The following BRCA2 variants were observed in gnomAD, a reference collection of about 807,000 sequenced individuals.
BRCA2 encodes the protein breast cancer type 2 susceptibility protein.
In BRCA2, 203 loss-of-function variants were observed where a neutral mutation model predicts 276.7. That is an observed-to-expected ratio of 0.73 (90% CI 0.65 to 0.82). The LOEUF (loss-of-function observed/expected upper bound fraction) is 0.82, where lower values mean the gene tolerates loss of function less well. BRCA2 is among the 40% of genes least tolerant of loss of function. BRCA2 has a pLI of 0.00. For synonymous variants in BRCA2, 1,289 were observed against 1,338.4 expected, an observed-to-expected ratio of 0.96 and a Z score of 0.81; for missense variants, 3,920 against 3,915.0, an observed-to-expected ratio of 1.00 and a Z score of -0.03.
At chr13:32,335,344 C>CAAAA (rs780395396) in intron 10 of BRCA2, among the ~76,000 whole-genome samples, 3 of 47,758 alleles carry the variant, frequency 6.3e-5, no homozygotes, top group African/African-American at 2.2e-4. Flanking sequence ...GACTCCATCT[C>CAAAA]AAAAAAAAAA....
chr13:32,361,589 G>A (rs889744575), intron 16 of BRCA2, among the ~76,000 whole-genome samples: 1 of 152,158 alleles, frequency 6.6e-6, no homozygotes, highest in Non-Finnish European at 1.5e-5. Context: ...AAAAATTGAT[G>A]ATGCAGGAGA....
Position 32,336,988 on chromosome 13 carries a change from A to G in BRCA2, c.2633A>G (p.Asp878Gly), listed in dbSNP as rs765618026. The G allele has an allele frequency of 6.3e-7, 1 of 1,585,630 alleles. No homozygotes were observed. Among genetic ancestry groups the G allele is most frequent in the Non-Finnish European group, 8.5e-7 (1 of 1,171,278 alleles). ...TSISKITVNP[D>G]SEELFSDNEN... ...ATTTCAAAAATAACTGTCAATCCAG[A>G]CTCTGAAGAACTTTTCTCAGACAAT... The change falls in exon 11 of 27, where the codon GAC becomes GGC. Residue 878 changes from aspartate (D) to glycine (G), a missense_variant. By Grantham distance (94) the Asp-to-Gly change is moderately conservative. Coordinates refer to ENST00000380152, the MANE Select transcript of BRCA2 (RefSeq NM_000059.4).
rs766080516 is a variant in BRCA2, at chr13:32,356,501, C to G, written c.7509C>G (p.Val2503=). The change falls in exon 15 of 27, where the codon GTC becomes GTG. Residue 2503 remains valine, a synonymous_variant. Transcript: ENST00000380152. ...MRIKKKQRQR[V]FPQPGSLYLA... ...TTAAGAAGAAACAAAGGCAACGCGT[C>G]TTTCCACAGCCAGGCAGTCTGTATC... 3.1e-6 allele frequency: 5 copies of G among 1,614,118 alleles called. No homozygotes were observed. Among genetic ancestry groups the G allele is most frequent in the Non-Finnish European group, 2.5e-6 (3 of 1,180,032 alleles).
In BRCA2 at chr13:32,331,011, AAGAG is replaced by A; in HGVS notation, c.776_779del (p.Arg259LysfsTer17). 1 of 1,611,626 alleles carries A rather than the reference AAGAG, an allele frequency of 6.2e-7. No individual in the cohort carries two copies. The highest frequency in any genetic ancestry group is 8.5e-7 in the Non-Finnish European group (1 of 1,177,816). ...TGACAGACAGTGAAAACACAAATCA[AAGAG>A]AAGCTGCAAGTCATGGTAAGTCCTC... On this transcript the variant is annotated frameshift_variant, in exon 9 of 27. Transcript: ENST00000380152. LOFTEE classifies it high-confidence loss of function.
chr13:32,360,901 T>G (rs2072733846), intron 16 of BRCA2, among the ~76,000 whole-genome samples: 1 of 152,200 alleles, frequency 6.6e-6, no homozygotes, highest in South Asian at 2.1e-4. Flanking sequence ...TAAGAATGGC[T>G]GTGAAGATTT....
At chr13:32,359,849 T>C (rs1427741696) in intron 16 of BRCA2, among the ~76,000 whole-genome samples, 1 of 152,222 alleles carries the variant, frequency 6.6e-6, no homozygotes, top group African/African-American at 2.4e-5. Flanking sequence ...CAAATCTCTA[T>C]TGAGCACTTG....
At chr13:32,334,385 A>T (rs1354625005) in intron 10 of BRCA2, among the ~76,000 whole-genome samples, 1 of 151,970 alleles carries the variant, frequency 6.6e-6, no homozygotes, top group African/African-American at 2.4e-5. Flanking sequence ...AAAGCATGTT[A>T]AAAAAATAGG....
chr13:32,338,400 A>G lies in BRCA2; in HGVS notation c.4045A>G (p.Ile1349Val), dbSNP rs780544697. 1.9e-6 allele frequency: 3 copies of G among 1,601,104 alleles called. No individual in the cohort carries two copies. The highest frequency in any genetic ancestry group is 1.7e-4 in the Middle Eastern group (1 of 5,986). ...SDSSKNDTVCIHKDETDLLFT... is the reference protein window; with the variant it reads ...SDSSKNDTVCVHKDETDLLFT... Reference sequence around the variant, plus strand: ...TTCAAGTAAAAATGATACTGTTTGTATTCATAAAGATGAAACGGACTTGCT... The same window carrying G: ...TTCAAGTAAAAATGATACTGTTTGTGTTCATAAAGATGAAACGGACTTGCT... The change falls in exon 11 of 27, where the codon ATT (isoleucine) becomes GTT (valine). Residue 1349 changes from isoleucine (I) to valine (V), a missense_variant. Ile to Val is a conservative substitution (Grantham distance 29, BLOSUM62 3). Coordinates refer to ENST00000380152, the MANE Select transcript of BRCA2 (RefSeq NM_000059.4).
intron 16 of BRCA2, among the ~76,000 whole-genome samples, chr13:32,361,140 G>A (rs1197898245): frequency 1.3e-5 from 2 of 152,174 alleles, no homozygotes; most frequent in Non-Finnish European, 2.9e-5. Context: ...TGGACTTGAA[G>A]GCCATGAAAA....
intron 13 of BRCA2, among the ~76,000 whole-genome samples, chr13:32,350,350 T>C (rs2072639506): frequency 6.6e-6 from 1 of 152,180 alleles, no homozygotes; most frequent in Non-Finnish European, 1.5e-5. Context: ...TATATATAGC[T>C]AAGAGTTTAG....
rs1057522846 is a variant in BRCA2 at position 32,356,522 on chromosome 13, G to A, written c.7530G>A (p.Leu2510=). ...RQRVFPQPGS[L]YLAKTSTLPR... ...GCGTCTTTCCACAGCCAGGCAGTCT[G>A]TATCTTGCAAAAACATCCACTCTGC... is the stretch of plus-strand genomic sequence containing the variant. The change falls in exon 15 of 27, where the codon CTG becomes CTA. Residue 2510 remains leucine (L), a synonymous_variant. Transcript: ENST00000380152. 2 of 1,614,240 alleles carry A rather than the reference G, an allele frequency of 1.2e-6. No homozygotes were observed. The highest frequency in any genetic ancestry group is 1.7e-6 in the Non-Finnish European group (2 of 1,180,030).
intron 16 of BRCA2, among the ~76,000 whole-genome samples, chr13:32,358,610 G>A (rs1175540605): frequency 6.6e-6 from 1 of 151,484 alleles, no homozygotes; most frequent in Non-Finnish European, 1.5e-5. Flanking sequence ...TGGGCAACAT[G>A]GTGAAAACCC....
At chr13:32,365,090 C>T (rs1430090954) in intron 18 of BRCA2, among the ~76,000 whole-genome samples, 1 of 143,838 alleles carries the variant, frequency 7.0e-6, no homozygotes, top group Non-Finnish European at 1.5e-5. Flanking sequence ...AGCATAGCTC[C>T]TGCTAATTGC....
chr13:32,317,315 AAGTG>A, intron 2 of BRCA2, among the ~76,000 whole-genome samples: 1 of 85,960 alleles, frequency 1.2e-5, no homozygotes. Context: ...TTTTGAAAAC[AAGTG>A]AGTGGAATAG....
chr13:32,384,202 T>C (rs2072943646), intron 24 of BRCA2, among the ~76,000 whole-genome samples: 1 of 152,170 alleles, frequency 6.6e-6, no homozygotes, highest in Non-Finnish European at 1.5e-5. Context: ...GACATCTGCC[T>C]CATCTCAGCC....
chr13:32,354,194 A>C (rs2072671237), intron 13 of BRCA2, among the ~76,000 whole-genome samples: 1 of 152,208 alleles, frequency 6.6e-6, no homozygotes, highest in South Asian at 2.1e-4. Flanking sequence ...TCCCACATGC[A>C]TCTGGGAGGT....
At chr13:32,358,476 CAA>C (rs34469166) in intron 16 of BRCA2, among the ~76,000 whole-genome samples, 17 of 118,524 alleles carry the variant, frequency 1.4e-4, no homozygotes, top group Admixed American at 2.7e-4. Flanking sequence ...GACTCCATCT[CAA>C]AAAAAAAAAA....
At position 32,340,402 on chromosome 13, in the gene BRCA2, TTAAAAG is replaced by T. The variant is rs2072545044; in HGVS notation, c.6051_6056del (p.Lys2017_Ser2018del). 2 of 1,613,750 alleles carry T rather than the reference TTAAAAG, an allele frequency of 1.2e-6. No homozygotes were observed. Among genetic ancestry groups the T allele is most frequent in the African/African-American group, 1.3e-5 (1 of 75,036 alleles). On this transcript the variant is annotated inframe_deletion, in exon 11 of 27. Coordinates refer to ENST00000380152, the MANE Select transcript of BRCA2 (RefSeq NM_000059.4). ...AAGCAAGTCTTTTCCAAAGTATTGT[TTAAAAG>T]TAACGAACATTCAGACCAGCTCACA...
chr13:32,326,469 T>TA lies in BRCA2; in HGVS notation c.517-24dup. On this transcript the variant is annotated intron_variant, in intron 6 of 26. Coordinates refer to ENST00000380152, the MANE Select transcript of BRCA2 (RefSeq NM_000059.4). ...ATCCTTAATGATCAGGGCATTTCTA[T>TA]AAAAAATAAACTATTTTCTTTCCTC... 2.0e-6 allele frequency: 3 copies of TA among 1,536,370 alleles called. No individual in the cohort carries two copies. The East Asian group carries it at 6.8e-5, about 35-fold the overall frequency.
Sources: gnomAD v4.1 joint callset for allele counts (sites outside exome capture counted in the v4.1 genomes callset) on GRCh38, gnomAD v4.1.1 for gene constraint, MANE v1.5 for transcripts, NCBI Gene and HGNC (gene_info 2026-07-23, HGNC 2026-07-21) for gene names.